Variants in SYT16 observed in about 807,000 individuals in gnomAD.
SYT16 encodes synaptotagmin 16, also known as synaptotagmin-16.
Under a neutral mutation model 61.4 loss-of-function variants are expected in SYT16, and 42 were observed. The observed-to-expected ratio is 0.68, with a 90% CI of 0.53 to 0.89. SYT16 has a LOEUF of 0.89. SYT16 is among the 40% of genes least tolerant of loss of function. The pLI, the probability that SYT16 is intolerant of heterozygous loss-of-function variation, is 0.00. For missense variants in SYT16, 804 were observed against 807.3 expected, an observed-to-expected ratio of 1.00 and a Z score of 0.05; for synonymous variants, 314 against 302.3, an observed-to-expected ratio of 1.04 and a Z score of -0.40.
chr14:62,083,673 A>T (rs1194133915), intron 6 of SYT16, among the ~76,000 whole-genome samples: 2 of 152,102 alleles, frequency 1.3e-5, no homozygotes, highest in African/African-American at 4.8e-5. Flanking sequence ...ATATTTAACA[A>T]CCTTAAGCAG....
intron 1 of SYT16, among the ~76,000 whole-genome samples, chr14:61,921,198 C>T (rs757946304): frequency 2.0e-5 from 3 of 152,222 alleles, no homozygotes; most frequent in South Asian, 2.1e-4. Context: ...AAAAACAGAG[C>T]TTGACTGAAT....
chr14:61,992,120 G>A (rs1436612160), intron 2 of SYT16, among the ~76,000 whole-genome samples: 3 of 152,030 alleles, frequency 2.0e-5, no homozygotes, highest in African/African-American at 7.2e-5. Flanking sequence ...CGAGGGAAAC[G>A]TTATATCATA....
At chr14:61,864,756 C>G in intron 1 of SYT16, 1 of 965,962 alleles carries the variant, frequency 1.0e-6, no homozygotes, top group South Asian at 1.5e-5. Context: ...TGGTTAATGA[C>G]GCATGTGGCT....
Position 62,110,249 on chromosome 14 carries a change from AT to A in SYT16, c.*9548del, listed in dbSNP as rs1490350652. 6.6e-6 allele frequency: 1 copy of A among 152,074 alleles called. No individual in the cohort carries two copies. Among genetic ancestry groups the A allele is most frequent in the African/African-American group, 2.4e-5 (1 of 41,410 alleles). The allele number at this position is 152,074 out of a possible 1,614,324, so 9.4% of individuals were successfully genotyped here. A position where few individuals can be genotyped will look rare whatever the true frequency, so the allele number is the denominator to read the frequency against. ...GCTCTAAAATGAATATCAAGTCACA[AT>A]TTTTTCAAGCCTTCATTGTTGCATC... On this transcript the variant is annotated 3_prime_UTR_variant, in exon 8 of 8. Transcript: ENST00000683842.
At chr14:62,091,738 A>G (rs1041410222) in intron 7 of SYT16, among the ~76,000 whole-genome samples, 2 of 152,220 alleles carry the variant, frequency 1.3e-5, no homozygotes, top group African/African-American at 2.4e-5. Flanking sequence ...ATAACACCTA[A>G]AACTATAAAA....
At chr14:62,074,600 T>C (rs2056416211) in intron 4 of SYT16, among the ~76,000 whole-genome samples, 1 of 152,206 alleles carries the variant, frequency 6.6e-6, no homozygotes, top group Admixed American at 6.5e-5. Flanking sequence ...TTCAGAGAAT[T>C]TGAATATTGT....
chr14:61,991,144 T>C (rs947916218), intron 2 of SYT16, among the ~76,000 whole-genome samples: 2 of 152,108 alleles, frequency 1.3e-5, no homozygotes, highest in South Asian at 2.1e-4. Flanking sequence ...TAGAAGCTTG[T>C]ATGGTAAACA....
chr14:61,823,574 C>CAAA (rs55935256), intron 1 of SYT16, among the ~76,000 whole-genome samples: 338 of 70,762 alleles, frequency 4.8e-3, no homozygotes, highest in Middle Eastern at 9.6e-3. Flanking sequence ...ACTAAAAATA[C>CAAA]AAAAAAAAAA....
intron 7 of SYT16, among the ~76,000 whole-genome samples, chr14:62,087,292 G>GGCCGCATGCCAAGTGC (rs2140990759): frequency 6.6e-6 from 1 of 152,344 alleles, no homozygotes; most frequent in African/African-American, 2.4e-5. Flanking sequence ...GAAAGGCGGA[G>GGCCGCATGCCAAGTGC]GCCGCATGCC....
At chr14:61,942,587 G>C (rs2050250937) in intron 1 of SYT16, among the ~76,000 whole-genome samples, 1 of 152,158 alleles carries the variant, frequency 6.6e-6, no homozygotes, top group South Asian at 2.1e-4. Context: ...ATTTCAGCAG[G>C]AATTTAGATG....
chr14:62,033,559 G>T (rs1206152975), intron 3 of SYT16, among the ~76,000 whole-genome samples: 1 of 152,174 alleles, frequency 6.6e-6, no homozygotes, highest in Non-Finnish European at 1.5e-5. Flanking sequence ...AAGAAAGAGA[G>T]TATATGAGAG....
intron 1 of SYT16, among the ~76,000 whole-genome samples, chr14:61,921,925 C>T (rs1476198146): frequency 6.6e-6 from 1 of 152,326 alleles, no homozygotes; most frequent in African/African-American, 2.4e-5. Context: ...CAATAAAATA[C>T]TAGCTGTTTT....
At chr14:62,074,914 G>A (rs960963958) in intron 4 of SYT16, among the ~76,000 whole-genome samples, 1 of 152,114 alleles carries the variant, frequency 6.6e-6, no homozygotes, top group Admixed American at 6.5e-5. Context: ...TATTTAAAAA[G>A]TATTAAGCCT....
chr14:62,092,657 A>G (rs1279613209), intron 7 of SYT16, among the ~76,000 whole-genome samples: 1 of 151,944 alleles, frequency 6.6e-6, no homozygotes, highest in East Asian at 1.9e-4. Flanking sequence ...GATTCCACTT[A>G]TAAGAGGTAT....
chr14:61,938,710 G>A (rs992740733), intron 1 of SYT16, among the ~76,000 whole-genome samples: 1 of 152,052 alleles, frequency 6.6e-6, no homozygotes, highest in Non-Finnish European at 1.5e-5. Context: ...CAGCTAAGGG[G>A]GACTGACATG....
chr14:61,845,762 G>A (rs1452394381), intron 1 of SYT16, among the ~76,000 whole-genome samples: 1 of 151,930 alleles, frequency 6.6e-6, no homozygotes, highest in African/African-American at 2.4e-5. Flanking sequence ...TGCATTATTA[G>A]GTTGTTTATT....
intron 1 of SYT16, chr14:61,865,354 A>G: frequency 1.5e-6 from 1 of 667,884 alleles, no homozygotes; most frequent in Non-Finnish European, 2.7e-6. Flanking sequence ...CCGGAAAGGG[A>G]AACAGGGCAC....
intron 1 of SYT16, among the ~76,000 whole-genome samples, chr14:61,923,005 C>T (rs1042104706): frequency 2.7e-5 from 4 of 149,716 alleles, no homozygotes; most frequent in South Asian, 2.1e-4. Context: ...GACGAGATCA[C>T]GCCATTGCAC....
chr14:62,073,814 C>T (rs2056385797), intron 4 of SYT16, among the ~76,000 whole-genome samples: 1 of 152,230 alleles, frequency 6.6e-6, no homozygotes, highest in Admixed American at 6.5e-5. Context: ...TCAATATTTG[C>T]TACCTACCTA....
Sources: allele counts gnomAD v4.1 joint callset (sites outside exome capture counted in the v4.1 genomes callset), GRCh38; gene constraint gnomAD v4.1.1; transcripts MANE v1.5; gene names NCBI Gene and HGNC (gene_info 2026-07-23, HGNC 2026-07-21).